Variants in EYS observed in about 807,000 individuals in gnomAD.
EYS encodes the protein protein eyes shut homolog.
In EYS, 250 loss-of-function variants were observed where a neutral mutation model predicts 282.1. That is an observed-to-expected ratio of 0.89 (90% CI 0.80 to 0.98). The LOEUF (loss-of-function observed/expected upper bound fraction) is 0.98, where lower values mean the gene tolerates loss of function less well. EYS is among the 50% of genes least tolerant of loss of function. The pLI is 0.00. For synonymous variants in EYS, 1,355 were observed against 1,282.9 expected (o/e 1.06, Z -1.20); for missense variants, 4,016 against 3,709.0 (o/e 1.08, Z -2.15).
intron 35 of EYS, among the ~76,000 whole-genome samples, chr6:63,873,230 C>G (rs1042486348): frequency 6.6e-6 from 1 of 150,526 alleles, no homozygotes; most frequent in Admixed American, 6.7e-5. Context: ...TTAATTCCCA[C>G]CTATGAGTGA....
At chr6:65,606,965 G>A (rs354397) in intron 2 of EYS, among the ~76,000 whole-genome samples, 117,553 of 151,468 alleles carry the variant, frequency 0.78, 45,736 homozygotes, top group Middle Eastern at 0.82. Flanking sequence ...TTAAGCAGGA[G>A]TGAGTAGAAT....
At chr6:64,680,594 G>C (rs561920527) in intron 22 of EYS, among the ~76,000 whole-genome samples, 6 of 152,314 alleles carry the variant, frequency 3.9e-5, no homozygotes, top group African/African-American at 1.4e-4. Flanking sequence ...CTTAAACGTT[G>C]AGTTGCAGAG....
intron 1 of EYS, among the ~76,000 whole-genome samples, chr6:65,657,402 G>T (rs554389359): frequency 6.6e-6 from 1 of 151,816 alleles, no homozygotes; most frequent in Non-Finnish European, 1.5e-5. Context: ...AGTGTTTCAT[G>T]GTAGGAAGTC....
intron 2 of EYS, among the ~76,000 whole-genome samples, chr6:65,563,743 G>T (rs181497206): frequency 1.3e-5 from 2 of 152,252 alleles, no homozygotes; most frequent in Non-Finnish European, 2.9e-5. Flanking sequence ...AGTAGGGCAG[G>T]ATAGTGCCCC....
intron 12 of EYS, among the ~76,000 whole-genome samples, chr6:65,266,424 T>G (rs1767754223): frequency 6.6e-6 from 1 of 151,940 alleles, no homozygotes. Context: ...TTATTTTCTT[T>G]CACTTTGATG....
At chr6:65,440,901 A>T (rs1363720778) in intron 5 of EYS, among the ~76,000 whole-genome samples, 2 of 147,174 alleles carry the variant, frequency 1.4e-5, no homozygotes, top group East Asian at 2.0e-4. Context: ...GTTTATGTAT[A>T]ATATATATAT....
chr6:64,448,079 C>T (rs1775179161), intron 26 of EYS, among the ~76,000 whole-genome samples: 1 of 152,214 alleles, frequency 6.6e-6, no homozygotes, highest in South Asian at 2.1e-4. Flanking sequence ...CTGGGAAGCG[C>T]AGGGGGTCAG....
chr6:65,126,636 A>T (rs1775727617), intron 12 of EYS, among the ~76,000 whole-genome samples: 2 of 152,308 alleles, frequency 1.3e-5, no homozygotes, highest in South Asian at 4.1e-4. Context: ...TTTTTAAAGA[A>T]GCACCCCTTC....
chr6:65,518,715 T>C (rs1767233839), intron 2 of EYS, among the ~76,000 whole-genome samples: 1 of 152,076 alleles, frequency 6.6e-6, no homozygotes, highest in Non-Finnish European at 1.5e-5. Flanking sequence ...TACCCAAGAC[T>C]GGGTAATTTA....
At chr6:64,383,045 TG>T (rs1425153389) in intron 29 of EYS, among the ~76,000 whole-genome samples, 5 of 152,094 alleles carry the variant, frequency 3.3e-5, no homozygotes, top group African/African-American at 9.7e-5. Context: ...CCTAGCTATT[TG>T]GGAGGCTAAG....
At chr6:65,090,243 A>T (rs778736895) in intron 12 of EYS, among the ~76,000 whole-genome samples, 1 of 152,108 alleles carries the variant, frequency 6.6e-6, no homozygotes, top group Non-Finnish European at 1.5e-5. Context: ...AATTGTCATG[A>T]TAATGAGTGA....
At chr6:63,741,823 C>T (rs1208058362) in intron 41 of EYS, 1 of 651,348 alleles carries the variant, frequency 1.5e-6, no homozygotes, top group Non-Finnish European at 2.9e-6. Context: ...ATCCTTTTTC[C>T]ACAGCTCATC....
intron 1 of EYS, among the ~76,000 whole-genome samples, chr6:65,643,073 G>A (rs575290782): frequency 6.6e-6 from 1 of 152,304 alleles, no homozygotes; most frequent in South Asian, 2.1e-4. Flanking sequence ...CAGGCTCCCT[G>A]AGATGCCAAA....
intron 18 of EYS, among the ~76,000 whole-genome samples, chr6:64,891,634 T>C (rs1160564988): frequency 6.6e-6 from 1 of 152,102 alleles, no homozygotes; most frequent in Non-Finnish European, 1.5e-5. Flanking sequence ...TGAGGGTCCC[T>C]TTATGCTAAC....
chr6:65,462,891 A>T (rs897028848), intron 5 of EYS, among the ~76,000 whole-genome samples: 1 of 151,928 alleles, frequency 6.6e-6, no homozygotes, highest in African/African-American at 2.4e-5. Context: ...ATTTGGCTGA[A>T]TTTTTTTCTA....
intron 2 of EYS, among the ~76,000 whole-genome samples, chr6:65,633,843 T>C (rs763834922): frequency 6.6e-6 from 1 of 152,220 alleles, no homozygotes. Context: ...ATTTACATAT[T>C]GTCTATGGCT....
intron 35 of EYS, among the ~76,000 whole-genome samples, chr6:63,947,757 G>GC (rs1431698866): frequency 6.6e-6 from 1 of 152,076 alleles, no homozygotes; most frequent in Non-Finnish European, 1.5e-5. Context: ...GAAAAAAAAT[G>GC]CCCCCTGACA....
intron 34 of EYS, among the ~76,000 whole-genome samples, chr6:63,986,273 C>G (rs1356672521): frequency 6.6e-6 from 1 of 151,758 alleles, no homozygotes; most frequent in Non-Finnish European, 1.5e-5. Flanking sequence ...AAAAAAATAA[C>G]AGACGCTGGC....
intron 26 of EYS, among the ~76,000 whole-genome samples, chr6:64,547,458 G>T (rs949748503): frequency 5.9e-5 from 9 of 152,144 alleles, no homozygotes; most frequent in Non-Finnish European, 1.2e-4. Flanking sequence ...TTGACGCAAA[G>T]GTTCTCCAAG....
Sources: gnomAD v4.1 joint callset for allele counts (sites outside exome capture counted in the v4.1 genomes callset) on GRCh38, gnomAD v4.1.1 for gene constraint, MANE v1.5 for transcripts, NCBI Gene and HGNC (gene_info 2026-07-23, HGNC 2026-07-21) for gene names.